The following SH3GL3 variants were observed in gnomAD, a reference collection of about 807,000 sequenced individuals.
SH3GL3 encodes endophilin-A3.
Under a neutral mutation model 47.7 loss-of-function variants are expected in SH3GL3, and 33 were observed. The observed-to-expected ratio is 0.69, with a 90% CI of 0.52 to 0.92. The LOEUF (loss-of-function observed/expected upper bound fraction) is 0.92, where lower values mean the gene tolerates loss of function less well. SH3GL3 is among the 40% of genes least tolerant of loss of function. SH3GL3 has a pLI of 0.00. For missense variants in SH3GL3, 363 were observed against 417.8 expected (o/e 0.87, Z 1.14); for synonymous variants, 155 against 148.8 (o/e 1.04, Z -0.30).
chr15:83,619,525 T>A (rs1163336868), downstream of SH3GL3, among the ~76,000 whole-genome samples: 7 of 152,144 alleles, frequency 4.6e-5, no homozygotes, highest in Non-Finnish European at 1.0e-4. Context: ...CACATTTACC[T>A]ATGTAACAAA....
intron 1 of SH3GL3, among the ~76,000 whole-genome samples, chr15:83,476,212 G>T (rs1446543274): frequency 2.6e-5 from 4 of 152,188 alleles, no homozygotes; most frequent in Non-Finnish European, 5.9e-5. Context: ...AGTAAAATTT[G>T]CTGAAGTTTA....
At chr15:83,481,383 G>A (rs2041350191) in intron 1 of SH3GL3, among the ~76,000 whole-genome samples, 1 of 152,100 alleles carries the variant, frequency 6.6e-6, no homozygotes, top group Non-Finnish European at 1.5e-5. Flanking sequence ...GGAATCAGGA[G>A]ATTTGACACT....
chr15:83,566,106 C>T (rs1216034782), intron 3 of SH3GL3, among the ~76,000 whole-genome samples: 1 of 152,134 alleles, frequency 6.6e-6, no homozygotes, highest in Non-Finnish European at 1.5e-5. Context: ...TTTCTCTGCA[C>T]TAGAGGATTT....
intron 1 of SH3GL3, among the ~76,000 whole-genome samples, chr15:83,532,767 C>A (rs2043737809): frequency 6.6e-6 from 1 of 152,190 alleles, no homozygotes; most frequent in Non-Finnish European, 1.5e-5. Context: ...GGTCTTCTTG[C>A]AATTCTCGAA....
At chr15:83,570,430 A>G (rs947150720) in intron 4 of SH3GL3, among the ~76,000 whole-genome samples, 2 of 152,172 alleles carry the variant, frequency 1.3e-5, no homozygotes. Context: ...TTATTTACTA[A>G]AAATTTAGGT....
the SH3GL3 span, among the ~76,000 whole-genome samples, chr15:83,628,526 T>C: frequency 1.3e-5 from 2 of 152,126 alleles, no homozygotes; most frequent in Admixed American, 1.3e-4. Context: ...GTGGATCACA[T>C]GAGGTCAGGA....
At chr15:83,484,632 G>A (rs1169808360) in intron 1 of SH3GL3, among the ~76,000 whole-genome samples, 2 of 151,460 alleles carry the variant, frequency 1.3e-5, no homozygotes, top group African/African-American at 2.4e-5. Context: ...GAGACATTTG[G>A]CAATCTAATC....
At chr15:83,577,496 G>T (rs1195922989) in intron 6 of SH3GL3, among the ~76,000 whole-genome samples, 1 of 152,062 alleles carries the variant, frequency 6.6e-6, no homozygotes, top group Admixed American at 6.5e-5. Context: ...GACCTCCCAG[G>T]CTCAAGCGAT....
Position 83,447,347 on chromosome 15 carries a change from G to C in SH3GL3, c.-187G>C, listed in dbSNP as rs1431778208. On this transcript the variant is annotated 5_prime_UTR_variant, in exon 1 of 9. Transcript: ENST00000427482. This position sits in a 1 kb window ranked among gnomAD's most constrained non-coding sequence, Gnocchi z 5.1. Reference sequence around the variant, plus strand: ...CGCAGGGGCTTTGGAACGCAGTGTTGCCATCGGCGTGCGCGCGTGTGTGCG... The same window carrying C: ...CGCAGGGGCTTTGGAACGCAGTGTTCCCATCGGCGTGCGCGCGTGTGTGCG... 1 of 362,616 alleles carries C rather than the reference G, an allele frequency of 2.8e-6. No homozygotes were observed. The highest frequency in any genetic ancestry group is 4.9e-5 in the Admixed American group (1 of 20,470). 22.5% of individuals were successfully genotyped at this position (362,616 alleles called of 1,614,324 possible).
intron 8 of SH3GL3, among the ~76,000 whole-genome samples, chr15:83,604,520 G>T (rs947620211): frequency 1.3e-5 from 2 of 152,136 alleles, no homozygotes; most frequent in African/African-American, 4.8e-5. Context: ...AGGGCCAACA[G>T]TATGCCAGGA....
chr15:83,574,616 GC>G (rs1326421863), intron 5 of SH3GL3, among the ~76,000 whole-genome samples: 3 of 152,102 alleles, frequency 2.0e-5, no homozygotes, highest in Admixed American at 6.5e-5. Context: ...CCCTTTCTGA[GC>G]TGCAAACCTT....
intron 8 of SH3GL3, among the ~76,000 whole-genome samples, chr15:83,615,717 C>T (rs1027635148): frequency 2.6e-5 from 4 of 152,004 alleles, no homozygotes; most frequent in African/African-American, 9.7e-5. Context: ...ATCTAAGTCC[C>T]ATGATGATTA....
chr15:83,597,616 TA>T (rs200816217), intron 8 of SH3GL3, among the ~76,000 whole-genome samples: 89 of 151,474 alleles, frequency 5.9e-4, no homozygotes, highest in African/African-American at 2.1e-3. Context: ...TAATTATTAT[TA>T]TTTTTTTTTG....
chr15:83,507,965 C>T (rs898761484), intron 1 of SH3GL3, among the ~76,000 whole-genome samples: 18 of 152,032 alleles, frequency 1.2e-4, no homozygotes, highest in African/African-American at 3.4e-4. Context: ...TTGATTGAGA[C>T]GGAGTCTTGC....
intron 8 of SH3GL3, among the ~76,000 whole-genome samples, chr15:83,604,084 T>C (rs1306636788): frequency 4.0e-5 from 6 of 151,694 alleles, no homozygotes; most frequent in Non-Finnish European, 7.4e-5. Flanking sequence ...GCGGTGAGGT[T>C]GTGGTGAGCC....
At chr15:83,483,709 A>G (rs2041473633) in intron 1 of SH3GL3, among the ~76,000 whole-genome samples, 1 of 152,150 alleles carries the variant, frequency 6.6e-6, no homozygotes, top group East Asian at 1.9e-4. Context: ...AAGTCGCATT[A>G]CCCTCATCAG....
At chr15:83,473,693 A>G (rs887356549) in intron 1 of SH3GL3, among the ~76,000 whole-genome samples, 82 of 151,486 alleles carry the variant, frequency 5.4e-4, no homozygotes, top group African/African-American at 1.8e-3. Context: ...GACGACAGGC[A>G]CCCGCCACCA....
chr15:83,619,251 CA>C (rs1802625032), downstream of SH3GL3, among the ~76,000 whole-genome samples: 1 of 152,228 alleles, frequency 6.6e-6, no homozygotes, highest in Non-Finnish European at 1.5e-5. Context: ...CACATACAGA[CA>C]CACCTCAGAG....
chr15:83,579,244 T>A (rs910629197), intron 6 of SH3GL3, among the ~76,000 whole-genome samples: 1 of 152,222 alleles, frequency 6.6e-6, no homozygotes, highest in African/African-American at 2.4e-5. Flanking sequence ...CCGCAGGGGC[T>A]CTGGTGCTGG....
Sources: allele counts gnomAD v4.1 joint callset (sites outside exome capture counted in the v4.1 genomes callset), GRCh38; gene constraint gnomAD v4.1.1; non-coding constraint Gnocchi (gnomAD v3.1); transcripts MANE v1.5; gene names NCBI Gene and HGNC (gene_info 2026-07-23, HGNC 2026-07-21).